PRKCA: variants seen among roughly 807,000 people sequenced by gnomAD.
PRKCA encodes the protein protein kinase C alpha, also known as protein kinase C alpha type.
PRKCA carries 27 observed loss-of-function variants against 87.0 expected under a neutral mutation model. The ratio of observed to expected loss-of-function variants is 0.31; its 90% CI spans 0.23 to 0.43. PRKCA has a LOEUF of 0.43. Among genes scored for constraint, PRKCA ranks in the 20% least tolerant of loss-of-function variants. The pLI, the probability that PRKCA is intolerant of heterozygous loss-of-function variation, is 1.00. For missense variants in PRKCA, 518 were observed against 852.3 expected (o/e 0.61, Z 4.88); for synonymous variants, 329 against 311.1 (o/e 1.06, Z -0.61).
chr17:66,772,266 A>G (rs1974950259), intron 13 of PRKCA, among the ~76,000 whole-genome samples: 1 of 152,208 alleles, frequency 6.6e-6, no homozygotes, highest in Admixed American at 6.5e-5. Flanking sequence ...AAAAGAAATT[A>G]GAGACTCCTT....
intron 3 of PRKCA, among the ~76,000 whole-genome samples, chr17:66,529,682 A>G (rs942211905): frequency 6.6e-6 from 1 of 152,192 alleles, no homozygotes; most frequent in Non-Finnish European, 1.5e-5. Context: ...TGAGTCTTAC[A>G]TATTTTGAGC....
chr17:66,580,216 G>A (rs934864696), intron 3 of PRKCA, among the ~76,000 whole-genome samples: 2 of 152,198 alleles, frequency 1.3e-5, no homozygotes, highest in African/African-American at 4.8e-5. Flanking sequence ...CTAGTGGTCT[G>A]TTATTCAAGC....
intron 3 of PRKCA, among the ~76,000 whole-genome samples, chr17:66,501,117 A>G (rs1264557654): frequency 2.0e-5 from 3 of 152,208 alleles, no homozygotes; most frequent in African/African-American, 7.2e-5. Context: ...CTGCTCTGCC[A>G]TCTTCAAGAT....
At chr17:66,761,981 G>A (rs757946747) in intron 13 of PRKCA, among the ~76,000 whole-genome samples, 114 of 152,186 alleles carry the variant, frequency 7.5e-4, no homozygotes, top group Non-Finnish European at 1.1e-3. Flanking sequence ...AAACAGAGAA[G>A]CCTGAAGTTT....
chr17:66,462,905 C>T (rs1914913599), intron 2 of PRKCA, among the ~76,000 whole-genome samples: 1 of 150,948 alleles, frequency 6.6e-6, no homozygotes, highest in Admixed American at 6.6e-5. Flanking sequence ...CATGCACACA[C>T]ATGCACGTGC....
intron 3 of PRKCA, among the ~76,000 whole-genome samples, chr17:66,612,652 A>G (rs1197586089): frequency 2.6e-5 from 4 of 151,394 alleles, no homozygotes; most frequent in African/African-American, 9.7e-5. Context: ...ACGTTCTGAT[A>G]TTTGTGATTT....
intron 5 of PRKCA, among the ~76,000 whole-genome samples, chr17:66,653,993 A>T (rs1170880822): frequency 6.6e-6 from 1 of 152,212 alleles, no homozygotes; most frequent in Non-Finnish European, 1.5e-5. Context: ...TCTGAAAGTG[A>T]TAGGCATTGT....
intron 5 of PRKCA, among the ~76,000 whole-genome samples, chr17:66,652,758 G>A (rs1971624222): frequency 6.6e-6 from 1 of 152,194 alleles, no homozygotes; most frequent in South Asian, 2.1e-4. Flanking sequence ...GTACTCTGTA[G>A]AGGTCATTCT....
intron 13 of PRKCA, among the ~76,000 whole-genome samples, chr17:66,765,416 GTC>G (rs1163083662): frequency 6.2e-5 from 1 of 16,030 alleles, no homozygotes; most frequent in African/African-American, 2.2e-4. Context: ...GCAAGACTTT[GTC>G]TATATATATA....
Position 66,656,788 on chromosome 17 carries a change from T to C in PRKCA, c.529+11277T>C, listed in dbSNP as rs1382316171. Among the ~76,000 whole-genome samples the C allele has an allele frequency of 3.3e-5, 5 of 152,308 alleles. No homozygotes were observed. The East Asian group carries it at 9.6e-4, about 29-fold the overall frequency. ...ACCAATGGAAATGTCCTAAAATAAA[T>C]GCAGAAATTTTTTTCCTCTCTTGAT... On this transcript the variant is annotated intron_variant, in intron 5 of 16. Coordinates refer to ENST00000413366, the MANE Select transcript of PRKCA (RefSeq NM_002737.3).
chr17:66,777,210 A>G (rs1478662574), intron 14 of PRKCA: 1 of 985,330 alleles, frequency 1.0e-6, no homozygotes, highest in Non-Finnish European at 1.2e-6. Flanking sequence ...CACTGTGACC[A>G]TGAACGTCAT....
At chr17:66,335,269 A>G (rs1208684594) in intron 2 of PRKCA, among the ~76,000 whole-genome samples, 2 of 152,020 alleles carry the variant, frequency 1.3e-5, no homozygotes, top group Admixed American at 6.6e-5. Context: ...CTGAGACTGC[A>G]ACACATGCAC....
chr17:66,798,378 C>CGGTGGTGGT (rs1191158029), intron 16 of PRKCA, among the ~76,000 whole-genome samples: 4 of 54,970 alleles, frequency 7.3e-5, no homozygotes, highest in Non-Finnish European at 1.5e-4. Context: ...TTTCAGTAGG[C>CGGTGGTGGT]GGTGGTGGTG....
intron 5 of PRKCA, among the ~76,000 whole-genome samples, chr17:66,671,209 C>CAAA (rs778507190): frequency 0.39 from 19,071 of 48,350 alleles, 4,482 homozygotes; most frequent in Non-Finnish European, 0.47. Flanking sequence ...AGACTCATCT[C>CAAA]AAAAAAAAAA....
At chr17:66,381,870 G>A (rs996106197) in intron 2 of PRKCA, among the ~76,000 whole-genome samples, 3 of 152,124 alleles carry the variant, frequency 2.0e-5, no homozygotes, top group Non-Finnish European at 4.4e-5. Flanking sequence ...ACTCTTGTTT[G>A]TGGAGCTCTG....
rs1598660738 is a variant in PRKCA, at chr17:66,424,568, A to ACACACACACACACACACACACACACAC, written c.206-71633_206-71632insCACACACACACACACACACACACACAC. 9.3e-4 allele frequency among the ~76,000 whole-genome samples: 132 copies of ACACACACACACACACACACACACACAC among 142,050 alleles called. 1 individual carries two copies. The highest frequency in any genetic ancestry group is 3.5e-3 in the East Asian group (17 of 4,796). 93.2% of individuals were successfully genotyped at this position (142,050 alleles called of 152,430 possible). Reference sequence around the variant, plus strand: ...GGCAGCAGAGCACGACCCTGTCTCAAACACACACACACACACACACACACA... The same window carrying ACACACACACACACACACACACACACAC: ...GGCAGCAGAGCACGACCCTGTCTCAACACACACACACACACACACACACACACACACACACACACACACACACACACA... On this transcript the variant is annotated intron_variant, in intron 2 of 16. Coordinates refer to ENST00000413366, the MANE Select transcript of PRKCA (RefSeq NM_002737.3).
chr17:66,737,065 A>T (rs1974049032), intron 10 of PRKCA, among the ~76,000 whole-genome samples: 1 of 152,164 alleles, frequency 6.6e-6, no homozygotes, highest in African/African-American at 2.4e-5. Context: ...TACAAGAAAC[A>T]GACATGGCCG....
chr17:66,542,080 G>A (rs1968006565), intron 3 of PRKCA, among the ~76,000 whole-genome samples: 1 of 152,164 alleles, frequency 6.6e-6, no homozygotes, highest in Non-Finnish European at 1.5e-5. Flanking sequence ...AGGGGAGAAA[G>A]TCATTTCATG....
At chr17:66,589,263 G>A (rs1169612429) in intron 3 of PRKCA, among the ~76,000 whole-genome samples, 3 of 151,824 alleles carry the variant, frequency 2.0e-5, no homozygotes, top group Admixed American at 6.6e-5. Flanking sequence ...AAGAGATAAC[G>A]GCTGTTAGTA....
Sources: allele counts gnomAD v4.1 joint callset (sites outside exome capture counted in the v4.1 genomes callset), GRCh38; gene constraint gnomAD v4.1.1; transcripts MANE v1.5; gene names NCBI Gene and HGNC (gene_info 2026-07-23, HGNC 2026-07-21).